Variants in SMIM36 observed in about 807,000 individuals in gnomAD.
SMIM36 encodes small integral membrane protein 36.
the SMIM36 span, among the ~76,000 whole-genome samples, chr17:55,529,073 G>C: frequency 2.0e-5 from 3 of 152,156 alleles, no homozygotes; most frequent in South Asian, 6.2e-4. Context: ...TCAGATGTTT[G>C]TTCTGGGTCT....
At chr17:55,522,520 A>G in the SMIM36 span, among the ~76,000 whole-genome samples, 7 of 152,186 alleles carry the variant, frequency 4.6e-5, no homozygotes, top group Admixed American at 4.6e-4. Context: ...CAGGCAAGAG[A>G]GTTTGTGCAG....
At chr17:55,521,169 T>A in the SMIM36 span, among the ~76,000 whole-genome samples, 1 of 152,128 alleles carries the variant, frequency 6.6e-6, no homozygotes, top group Non-Finnish European at 1.5e-5. Flanking sequence ...TCAGAATGTA[T>A]GAAAGAAAAG....
chr17:55,530,407 C>G, the SMIM36 span, among the ~76,000 whole-genome samples: 1 of 152,316 alleles, frequency 6.6e-6, no homozygotes, highest in East Asian at 1.9e-4. Flanking sequence ...TTGGTGGAGG[C>G]AGAAGGTTTC....
chr17:55,500,127 A>AT (rs199545953), intron 1 of SMIM36, among the ~76,000 whole-genome samples: 5,192 of 149,642 alleles, frequency 0.035, 129 homozygotes, highest in Middle Eastern at 0.12. Context: ...ATTAAAAAAA[A>AT]TTTTTTTTTT....
intron 1 of SMIM36, among the ~76,000 whole-genome samples, chr17:55,499,766 A>G (rs967074333): frequency 7.2e-5 from 11 of 152,322 alleles, no homozygotes; most frequent in Non-Finnish European, 1.3e-4. Context: ...TGAATGTCAC[A>G]TAAACCTCTT....
chr17:55,470,359 C>T lies in SMIM36; in HGVS notation c.*348-3031G>A, dbSNP rs186725160. ...AAGCCCCCTGGACCATCATAGATGC[C>T]GAGCTTTGGGTAACTCTTACAGTGG... On this transcript the variant is annotated intron_variant, in intron 3 of 4. Coordinates refer to ENST00000636752, the Ensembl canonical transcript of SMIM36. Among the ~76,000 whole-genome samples, 513 of 152,254 alleles carry T rather than the reference C, an allele frequency of 3.4e-3. 6 individuals are homozygous for T. Among genetic ancestry groups the T allele is most frequent in the South Asian group, 0.026 (127 of 4,816 alleles).
the SMIM36 span, among the ~76,000 whole-genome samples, chr17:55,529,878 A>G: frequency 0.033 from 4,994 of 152,322 alleles, 240 homozygotes; most frequent in African/African-American, 0.11. Context: ...GCCTATGCAA[A>G]TACAGTTCAG....
At chr17:55,520,889 G>T in the SMIM36 span, among the ~76,000 whole-genome samples, 2 of 152,128 alleles carry the variant, frequency 1.3e-5, no homozygotes, top group African/African-American at 2.4e-5. Context: ...CCAGCATTTT[G>T]GGAGGCCAAG....
At chr17:55,509,455 G>A (rs1007893978) in intron 1 of SMIM36, among the ~76,000 whole-genome samples, 10 of 152,216 alleles carry the variant, frequency 6.6e-5, no homozygotes, top group Non-Finnish European at 1.3e-4. Flanking sequence ...AGTCTAAGAT[G>A]AAATTGGCCA....
chr17:55,497,664 C>T (rs987066780), intron 1 of SMIM36, among the ~76,000 whole-genome samples: 3 of 152,036 alleles, frequency 2.0e-5, no homozygotes, highest in African/African-American at 4.8e-5. Context: ...AGTTCAAGAC[C>T]AGCCTGGCCA....
chr17:55,478,777 T>C (rs2143272211), exon 3 of SMIM36: 1 of 152,320 alleles, frequency 6.6e-6, no homozygotes, highest in East Asian at 1.9e-4. Context: ...TTCTTTGCAG[T>C]GTCTCTTAAG....
chr17:55,529,275 CA>C, the SMIM36 span, among the ~76,000 whole-genome samples: 298 of 152,250 alleles, frequency 2.0e-3, 1 homozygote, highest in Non-Finnish European at 3.3e-3. Context: ...TACAAATAAG[CA>C]GCCAAATTTT....
intron 3 of SMIM36, chr17:55,468,048 A>G (rs1909274762): frequency 6.6e-6 from 1 of 152,006 alleles, no homozygotes; most frequent in Non-Finnish European, 1.5e-5. Context: ...TACCTACCCA[A>G]ATCCTACAAA....
intron 1 of SMIM36, among the ~76,000 whole-genome samples, chr17:55,494,375 C>T (rs1333358401): frequency 1.3e-5 from 2 of 152,132 alleles, no homozygotes; most frequent in Non-Finnish European, 2.9e-5. Flanking sequence ...AATACAAAAA[C>T]CAAATTTGAA....
chr17:55,465,693 G>T (rs1301495360), intron 4 of SMIM36, among the ~76,000 whole-genome samples: 1 of 152,102 alleles, frequency 6.6e-6, no homozygotes, highest in East Asian at 1.9e-4. Flanking sequence ...AGACCACAGT[G>T]AATGTTCAAG....
chr17:55,517,477 C>T, the SMIM36 span, among the ~76,000 whole-genome samples: 2 of 152,156 alleles, frequency 1.3e-5, no homozygotes, highest in Non-Finnish European at 2.9e-5. Flanking sequence ...GCAGGAGAAT[C>T]GCTGGAACCT....
chr17:55,511,195 G>A (rs1300188728), exon 1 of SMIM36: 11 of 398,522 alleles, frequency 2.8e-5, no homozygotes, highest in Non-Finnish European at 4.4e-5. Context: ...GGCCTCGGGC[G>A]CGTACTCCTT....
At chr17:55,494,215 T>C (rs1054150057) in intron 1 of SMIM36, among the ~76,000 whole-genome samples, 5 of 152,094 alleles carry the variant, frequency 3.3e-5, no homozygotes, top group African/African-American at 9.7e-5. Flanking sequence ...GTGAAATAGA[T>C]GTACGAGACA....
chr17:55,483,411 C>G (rs1909551738), intron 1 of SMIM36, among the ~76,000 whole-genome samples: 1 of 152,182 alleles, frequency 6.6e-6, no homozygotes, highest in African/African-American at 2.4e-5. Flanking sequence ...AAACACCAGT[C>G]TAGATGTTGC....
Sources: allele counts gnomAD v4.1 joint callset (sites outside exome capture counted in the v4.1 genomes callset), GRCh38; gene constraint gnomAD v4.1.1; transcripts MANE v1.5; gene names NCBI Gene and HGNC (gene_info 2026-07-23, HGNC 2026-07-21).